UBAC1: variants seen among roughly 807,000 people sequenced by gnomAD.
The protein encoded by UBAC1 is ubiquitin-associated domain-containing protein 1.
A neutral mutation model predicts 45.9 loss-of-function variants in UBAC1; 27 were observed. That is an observed-to-expected ratio of 0.59 (90% CI 0.43 to 0.81). UBAC1 has a LOEUF of 0.81. Ranked by LOEUF, UBAC1 falls within the 30% of genes least tolerant of loss-of-function variation. The probability of loss-of-function intolerance (pLI) is 0.00; values close to 1 mark genes in which losing one functional copy is unlikely to be tolerated. For synonymous variants in UBAC1, 227 were observed against 215.5 expected (o/e 1.05, Z -0.47); for missense variants, 529 against 539.2 (o/e 0.98, Z 0.19).
intron 1 of UBAC1, 24 bp downstream of exon 1, chr9:135,961,001 G>A (rs1367431544): frequency 3.3e-6 from 5 of 1,515,264 alleles, no homozygotes; most frequent in South Asian, 1.2e-5. Flanking sequence ...GGTGTTGGGG[G>A]CAGGGGAGGG....
Position 135,947,884 on chromosome 9 carries a change from G to T in UBAC1, c.355C>A (p.Pro119Thr). Residue 119 changes from proline to threonine, a missense_variant, in exon 4 of 10, where the codon CCA (proline) becomes ACA (threonine). Physicochemically the swap from Pro to Thr is conservative, Grantham distance 38 (BLOSUM62 -1). Coordinates refer to ENST00000371756, the MANE Select transcript of UBAC1 (RefSeq NM_016172.3). ...GCCCGCAGTATGGCCTCTTTATCTG[G>T]AGCTTTCTGGTCTTGTTTTTTCTAC... ...EEKKKQDQKAPDKEAILRATA... is the reference protein window; with the variant it reads ...EEKKKQDQKATDKEAILRATA... 2 of 1,614,122 alleles carry T rather than the reference G, an allele frequency of 1.2e-6. No homozygotes were observed. The highest frequency in any genetic ancestry group is 1.7e-6 in the Non-Finnish European group (2 of 1,179,998).
In UBAC1 at chr9:135,954,090, G is replaced by A. The variant is rs553724539; in HGVS notation, c.260-337C>T. Among the ~76,000 whole-genome samples, 493 of 146,042 alleles carry A rather than the reference G, an allele frequency of 3.4e-3. 4 individuals carry two copies. Among genetic ancestry groups the A allele is most frequent in the African/African-American group, 0.012 (477 of 39,288 alleles). On this transcript the variant is annotated intron_variant, in intron 2 of 9. Transcript: ENST00000371756. ...GGAGGCGGAGGTTGCACTGAGCCAA[G>A]ATTGCACCACTGCACTCCAGCCTGG...
intron 8 of UBAC1, among the ~76,000 whole-genome samples, chr9:135,938,711 G>T (rs1199696319): frequency 6.6e-6 from 1 of 152,046 alleles, no homozygotes; most frequent in Non-Finnish European, 1.5e-5. Flanking sequence ...CTTGCCTGTG[G>T]TCCTGTTATG....
chr9:135,938,271 C>A lies in UBAC1; in HGVS notation c.1053G>T (p.Leu351=), dbSNP rs1270312648. The A allele has an allele frequency of 4.3e-6, 7 of 1,614,078 alleles. No individual in the cohort carries two copies. Among genetic ancestry groups the A allele is most frequent in the Non-Finnish European group, 5.9e-6 (7 of 1,180,046 alleles). ...GGCCCAGCTGCACCACCGGGTTATC[C>A]AGGATGGCCTGAAAGAGAGGACTGT... is the stretch of plus-strand genomic sequence containing the variant. ...DPDSPLFQAI[L]DNPVVQLGLT... The change falls in exon 9 of 10, where the codon CTG becomes CTT. Residue 351 remains leucine, a synonymous_variant. Coordinates refer to ENST00000371756, the MANE Select transcript of UBAC1 (RefSeq NM_016172.3).
rs145940630 is a variant in UBAC1 at position 135,945,854 on chromosome 9, T to C, written c.653+35A>G. On this transcript the variant is annotated intron_variant, in intron 6 of 9. Coordinates refer to ENST00000371756, the MANE Select transcript of UBAC1 (RefSeq NM_016172.3). ...GCCCCACAAAACCAGGCCCCAGGTG[T>C]CTCCGGCAAGGGAAGGAGGTGGCCC... is the stretch of plus-strand genomic sequence containing the variant. 2.0e-4 allele frequency: 320 copies of C among 1,583,530 alleles called. 2 individuals are homozygous for C. The African/African-American group carries it at 3.9e-3, about 19-fold the overall frequency.
At chr9:135,936,025 C>CAAA (rs558643918) in intron 9 of UBAC1, among the ~76,000 whole-genome samples, 3 of 61,278 alleles carry the variant, frequency 4.9e-5, no homozygotes, top group African/African-American at 1.3e-4. Context: ...GATTCCATCT[C>CAAA]AAAAAAAAAA....
chr9:135,953,455 T>C (rs1839430445), intron 3 of UBAC1, among the ~76,000 whole-genome samples: 1 of 152,188 alleles, frequency 6.6e-6, no homozygotes, highest in African/African-American at 2.4e-5. Flanking sequence ...CTGCTGGGAC[T>C]ACAGGCATGA....
At chr9:135,953,403 G>T (rs373751922) in intron 3 of UBAC1, among the ~76,000 whole-genome samples, 1 of 152,228 alleles carries the variant, frequency 6.6e-6, no homozygotes, top group East Asian at 1.9e-4. Context: ...TGCAACCTCT[G>T]CCTCCCGGGT....
intron 3 of UBAC1, 141 bp from the exon 4 acceptor site, chr9:135,948,046 G>T: frequency 2.8e-6 from 2 of 708,028 alleles, no homozygotes; most frequent in Non-Finnish European, 4.7e-6. Flanking sequence ...GATGAGCTGG[G>T]GGAGCCTGGA....
chr9:135,944,508 G>A (rs982321272), intron 7 of UBAC1, among the ~76,000 whole-genome samples: 10 of 152,232 alleles, frequency 6.6e-5, no homozygotes, highest in African/African-American at 9.6e-5. Context: ...GAAGAATGGG[G>A]AGATGAGGCG....
At chr9:135,940,664 T>C (rs1367907650) in intron 7 of UBAC1, among the ~76,000 whole-genome samples, 16 of 152,146 alleles carry the variant, frequency 1.1e-4, no homozygotes, top group Admixed American at 9.8e-4. Flanking sequence ...CATATGCTAA[T>C]TCGTTTTTGG....
intron 3 of UBAC1, among the ~76,000 whole-genome samples, chr9:135,951,681 G>C (rs374366523): frequency 6.6e-6 from 1 of 151,126 alleles, no homozygotes; most frequent in Non-Finnish European, 1.5e-5. Flanking sequence ...GTGGTGGCAC[G>C]CACTTGTAAC....
At chr9:135,935,745 G>C (rs1473995428) in intron 9 of UBAC1, among the ~76,000 whole-genome samples, 1 of 152,210 alleles carries the variant, frequency 6.6e-6, no homozygotes, top group Non-Finnish European at 1.5e-5. Context: ...GAATGCAAGT[G>C]GCCAGGCGCA....
At chr9:135,953,109 C>T (rs993677396) in intron 3 of UBAC1, among the ~76,000 whole-genome samples, 1 of 152,172 alleles carries the variant, frequency 6.6e-6, no homozygotes, top group Non-Finnish European at 1.5e-5. Flanking sequence ...GGATGTGTCC[C>T]TACCCTCCTC....
In UBAC1 at chr9:135,933,099, C is replaced by T. The variant is rs923966328; in HGVS notation, c.*301G>A. On this transcript the variant is annotated 3_prime_UTR_variant, in exon 10 of 10. Transcript: ENST00000371756. Reference sequence around the variant, plus strand: ...TGGACTCTCCAAGCAAATGTCTACACGGCAATTCAAGCAGCAACTCAAGAG... The same window carrying T: ...TGGACTCTCCAAGCAAATGTCTACATGGCAATTCAAGCAGCAACTCAAGAG... 20 of 327,816 alleles carry T rather than the reference C, an allele frequency of 6.1e-5. No individual in the cohort carries two copies. Among genetic ancestry groups the T allele is most frequent in the East Asian group, 2.4e-4 (4 of 16,504 alleles). 20.3% of individuals were successfully genotyped at this position (327,816 alleles called of 1,614,324 possible).
At chr9:135,934,929 G>A (rs192986148) in intron 9 of UBAC1, among the ~76,000 whole-genome samples, 47 of 152,250 alleles carry the variant, frequency 3.1e-4, no homozygotes, top group African/African-American at 1.1e-3. Context: ...TGCCCAGGCT[G>A]GAGTGCAGTG....
intron 8 of UBAC1, 92 bp from the exon 9 acceptor site, chr9:135,938,452 T>G: frequency 6.7e-7 from 1 of 1,486,430 alleles, no homozygotes; most frequent in Non-Finnish European, 9.0e-7. Context: ...CCTGCACCTT[T>G]CTGTGAGTTC....
intron 4 of UBAC1, among the ~76,000 whole-genome samples, chr9:135,947,183 C>T (rs1839348398): frequency 1.3e-5 from 2 of 152,228 alleles, no homozygotes; most frequent in African/African-American, 4.8e-5. Flanking sequence ...TCCACGTGAG[C>T]ACTGCAAACA....
At chr9:135,949,586 C>T (rs961119643) in intron 3 of UBAC1, among the ~76,000 whole-genome samples, 9 of 152,354 alleles carry the variant, frequency 5.9e-5, no homozygotes, top group African/African-American at 2.2e-4. Context: ...CGGCTGGCAC[C>T]CCCTCCACAG....
Sources: gnomAD v4.1 joint callset for allele counts (sites outside exome capture counted in the v4.1 genomes callset) on GRCh38, gnomAD v4.1.1 for gene constraint, MANE v1.5 for transcripts, NCBI Gene and HGNC (gene_info 2026-07-23, HGNC 2026-07-21) for gene names.